The following ENTPD4 variants were observed in gnomAD, a reference collection of about 807,000 sequenced individuals.
ENTPD4 encodes the protein Golgi UDPase.
ENTPD4 carries 60 observed loss-of-function variants against 79.1 expected under a neutral mutation model. That is an observed-to-expected ratio of 0.76 (90% confidence interval 0.62 to 0.94). The LOEUF (loss-of-function observed/expected upper bound fraction) is 0.94, where lower values mean the gene tolerates loss of function less well. ENTPD4 is among the 40% of genes least tolerant of loss of function. The probability of loss-of-function intolerance (pLI) is 0.00; values close to 1 mark genes in which losing one functional copy is unlikely to be tolerated. For synonymous variants in ENTPD4, 276 were observed against 292.0 expected, an observed-to-expected ratio of 0.95 and a Z score of 0.56; for missense variants, 772 against 775.1, an observed-to-expected ratio of 1.00 and a Z score of 0.05.
intron 4 of ENTPD4, among the ~76,000 whole-genome samples, chr8:23,446,187 C>T (rs1305950828): frequency 6.6e-6 from 1 of 152,136 alleles, no homozygotes; most frequent in African/African-American, 2.4e-5. Context: ...TTGTATAGTG[C>T]AAGACAGACC....
chr8:23,452,087 C>T (rs913417756), intron 1 of ENTPD4, among the ~76,000 whole-genome samples: 50 of 152,204 alleles, frequency 3.3e-4, no homozygotes, highest in Non-Finnish European at 2.2e-4. Context: ...TCTAAGGTCA[C>T]ACAGCTCCTG....
At chr8:23,456,209 T>C (rs894931501) in intron 1 of ENTPD4, among the ~76,000 whole-genome samples, 5 of 152,226 alleles carry the variant, frequency 3.3e-5, no homozygotes, top group African/African-American at 1.2e-4. Context: ...AGATACCATC[T>C]CTCAGCTCCA....
intron 3 of ENTPD4, 138 bp from the exon 4 acceptor site, chr8:23,448,023 A>G: frequency 1.5e-6 from 1 of 655,868 alleles, no homozygotes; most frequent in Non-Finnish European, 2.7e-6. Context: ...ACAACTGTTG[A>G]ATAATTGAAG....
chr8:23,443,910 C>A lies in ENTPD4; in HGVS notation c.607G>T (p.Val203Leu), dbSNP rs748624048. The stretch of plus-strand genomic sequence containing the variant: ...TCAGAAAACAGAAAGTCAAAGTGCA[C>A]GGGGATATCGGTCAGAAGGTCTTCC... ...ILEDLLTDIP[V>L]HFDFLFSDSH... Residue 203 changes from valine to leucine, a missense_variant, in exon 6 of 13, where the codon GTG becomes TTG. Coordinates refer to ENST00000358689, the MANE Select transcript of ENTPD4 (RefSeq NM_004901.5). The A allele has an allele frequency of 6.2e-7, 1 of 1,613,276 alleles. No individual in the cohort carries two copies. The highest frequency in any genetic ancestry group is 1.3e-5 in the African/African-American group (1 of 74,830).
At chr8:23,448,604 C>T in intron 3 of ENTPD4, 138 bp downstream of exon 3, 1 of 695,508 alleles carries the variant, frequency 1.4e-6, no homozygotes, top group South Asian at 1.9e-5. Flanking sequence ...GTGGATTTCC[C>T]AACCTCTAGA....
At chr8:23,434,147 C>T (rs574885596) in intron 12 of ENTPD4, 170 bp downstream of exon 12, 16 of 748,788 alleles carry the variant, frequency 2.1e-5, no homozygotes, top group Non-Finnish European at 4.4e-6. Flanking sequence ...AGGGAGGAAG[C>T]ACTTGTGGGG....
chr8:23,453,504 A>G (rs2117309872), intron 1 of ENTPD4, among the ~76,000 whole-genome samples: 1 of 152,360 alleles, frequency 6.6e-6, no homozygotes, highest in East Asian at 1.9e-4. Flanking sequence ...AAGACTGAAC[A>G]GAAAAATGAG....
intron 9 of ENTPD4, among the ~76,000 whole-genome samples, chr8:23,437,636 G>A (rs923512477): frequency 6.6e-6 from 1 of 152,228 alleles, no homozygotes; most frequent in African/African-American, 2.4e-5. Context: ...GAACGTGACT[G>A]TGACAAGATC....
chr8:23,446,158 G>A (rs757361168), intron 4 of ENTPD4, among the ~76,000 whole-genome samples: 2 of 152,140 alleles, frequency 1.3e-5, no homozygotes, highest in Non-Finnish European at 2.9e-5. Flanking sequence ...AAGGTATTTT[G>A]ATTTCCATTT....
chr8:23,441,333 T>C, intron 8 of ENTPD4: 1 of 767,078 alleles, frequency 1.3e-6, no homozygotes, highest in Non-Finnish European at 1.6e-6. Flanking sequence ...CGACTGCGTA[T>C]ATACCAAAGA....
intron 1 of ENTPD4, among the ~76,000 whole-genome samples, chr8:23,451,540 C>A (rs1037747022): frequency 1.3e-5 from 2 of 152,168 alleles, no homozygotes; most frequent in Admixed American, 6.5e-5. Context: ...ACTCCCACCC[C>A]TTGCTCAGGA....
Position 23,433,980 on chromosome 8 carries a change from T to C in ENTPD4, c.1622+337A>G, listed in dbSNP as rs375747562. 2.6e-4 allele frequency: 64 copies of C among 242,188 alleles called. No homozygotes were observed. The South Asian group carries it at 2.8e-3, about 11-fold the overall frequency. The allele number at this position is 242,188 out of a possible 1,614,324, so 15.0% of individuals were successfully genotyped here. A position where few individuals can be genotyped will look rare whatever the true frequency, so the allele number is the denominator to read the frequency against. ...TTCTGTAATCCTATGTATTTATACA[T>C]GCATTTAAACAGTATTTGGAGAAGA... On this transcript the variant is annotated intron_variant, in intron 12 of 12. Coordinates refer to ENST00000358689, the MANE Select transcript of ENTPD4 (RefSeq NM_004901.5).
At position 23,430,347 on chromosome 8, in the gene ENTPD4, C is replaced by G. The variant is rs1413989318; in HGVS notation, c.*2579G>C. The G allele has an allele frequency of 2.0e-6, 2 of 985,274 alleles. No individual in the cohort carries two copies. Among genetic ancestry groups the G allele is most frequent in the Non-Finnish European group, 2.4e-6 (2 of 829,936 alleles). The allele number at this position is 985,274 out of a possible 1,614,324, so 61.0% of individuals were successfully genotyped here. ...TTGAAAATAATCTAGACGGAAAAAT[C>G]CGAAGTGAAATTCTGGTGCAACAAA... On this transcript the variant is annotated 3_prime_UTR_variant, in exon 13 of 13. Transcript: ENST00000358689.
rs1372539188 is a variant in ENTPD4 at position 23,432,479 on chromosome 8, A to G, written c.*447T>C. On this transcript the variant is annotated 3_prime_UTR_variant, in exon 13 of 13. Coordinates refer to ENST00000358689, the MANE Select transcript of ENTPD4 (RefSeq NM_004901.5). ...CAAAATGGCTAAACGCAATACTTCT[A>G]GACAGCAGGGCTTATAAACAATGCA... is the stretch of plus-strand genomic sequence containing the variant. The G allele has an allele frequency of 5.1e-6, 5 of 988,998 alleles. No homozygotes were observed. The African/African-American group carries it at 8.8e-5, about 17-fold the overall frequency. The allele number at this position is 988,998 out of a possible 1,614,324, so 61.3% of individuals were successfully genotyped here. A position where few individuals can be genotyped will look rare whatever the true frequency, so the allele number is the denominator to read the frequency against.
intron 6 of ENTPD4, 77 bp from the exon 7 acceptor site, chr8:23,442,143 C>T (rs1451843974): frequency 3.1e-6 from 3 of 970,796 alleles, no homozygotes; most frequent in Non-Finnish European, 4.9e-6. Context: ...GCAGTCTGTG[C>T]AAACGTCTCA....
Position 23,431,523 on chromosome 8 carries a change from T to C in ENTPD4, c.*1403A>G. On this transcript the variant is annotated 3_prime_UTR_variant, in exon 13 of 13. Transcript: ENST00000358689. ...TTTTGGCTTAAATTGTCGAATTTTT[T>C]CCTTCAAAATGTGAATTTATTTCCT... 6 of 985,466 alleles carry C rather than the reference T, an allele frequency of 6.1e-6. No individual in the cohort carries two copies. Among genetic ancestry groups the C allele is most frequent in the Non-Finnish European group, 7.2e-6 (6 of 829,944 alleles). 61.0% of individuals were successfully genotyped at this position (985,466 alleles called of 1,614,324 possible).
intron 9 of ENTPD4, 38 bp downstream of exon 9, chr8:23,439,711 G>C (rs1031972454): frequency 1.2e-6 from 2 of 1,603,562 alleles, no homozygotes; most frequent in Non-Finnish European, 1.7e-6. Flanking sequence ...AGAGACCTAG[G>C]TTTGCAAATG....
chr8:23,450,048 A>G (rs2117303415), intron 1 of ENTPD4, 51 bp from the exon 2 acceptor site: 2 of 925,964 alleles, frequency 2.2e-6, no homozygotes, highest in Non-Finnish European at 3.5e-6. Context: ...CAAAGAAAAC[A>G]TCTACGTTCT....
chr8:23,432,902 G>C lies in ENTPD4; in HGVS notation c.*24C>G. Reference sequence around the variant, plus strand: ...AGGCAAAAATGGCTTTTCCTTTTGAGTCTTCGTGGAGCTGTGAGCTGGATC... The same window carrying C: ...AGGCAAAAATGGCTTTTCCTTTTGACTCTTCGTGGAGCTGTGAGCTGGATC... On this transcript the variant is annotated 3_prime_UTR_variant, in exon 13 of 13. Transcript: ENST00000358689. The C allele has an allele frequency of 6.5e-7, 1 of 1,544,364 alleles. No homozygotes were observed.
Sources: gnomAD v4.1 joint callset for allele counts (sites outside exome capture counted in the v4.1 genomes callset) on GRCh38, gnomAD v4.1.1 for gene constraint, MANE v1.5 for transcripts, NCBI Gene and HGNC (gene_info 2026-07-23, HGNC 2026-07-21) for gene names.